CACNA2D4: variants seen among roughly 807,000 people sequenced by gnomAD.
The protein encoded by CACNA2D4 is voltage-dependent calcium channel subunit alpha-2/delta-4.
In CACNA2D4, 157 loss-of-function variants were observed where a neutral mutation model predicts 163.8. The ratio of observed to expected loss-of-function variants is 0.96; its 90% CI spans 0.84 to 1.09. The LOEUF (loss-of-function observed/expected upper bound fraction) is 1.09. Among genes scored for constraint, CACNA2D4 ranks in the 50% least tolerant of loss-of-function variants. CACNA2D4 has a pLI of 0.00. For missense variants in CACNA2D4, 1,410 were observed against 1,479.9 expected (o/e 0.95, Z 0.78); for synonymous variants, 598 against 586.9 (o/e 1.02, Z -0.27).
Position 1,907,589 on chromosome 12 carries a change from A to G in CACNA2D4, c.650-18T>C, listed in dbSNP as rs1226409016. The G allele has an allele frequency of 6.2e-7, 1 of 1,608,394 alleles. No individual in the cohort carries two copies. The highest frequency in any genetic ancestry group is 1.1e-5 in the South Asian group (1 of 90,362). ...ATCTGGGTCTGAAGGGTGAGACTATAGATTATGATCCTGTAGAACTTCTCA... is the reference window on the plus strand; with the variant it reads ...ATCTGGGTCTGAAGGGTGAGACTATGGATTATGATCCTGTAGAACTTCTCA... On this transcript the variant is annotated intron_variant, in intron 5 of 37. Coordinates refer to ENST00000382722, the MANE Select transcript of CACNA2D4 (RefSeq NM_172364.5).
At chr12:1,851,948 T>C (rs1488254119) in intron 23 of CACNA2D4, among the ~76,000 whole-genome samples, 2 of 152,154 alleles carry the variant, frequency 1.3e-5, no homozygotes, top group Non-Finnish European at 2.9e-5. Context: ...TTATAGTTTA[T>C]GTCGTATGTT....
intron 27 of CACNA2D4, among the ~76,000 whole-genome samples, chr12:1,811,078 C>T (rs1863691158): frequency 6.6e-6 from 1 of 152,236 alleles, no homozygotes; most frequent in African/African-American, 2.4e-5. Flanking sequence ...CTCCATCCCT[C>T]TCGATTCACT....
At chr12:1,865,321 C>T (rs1592719795) in intron 18 of CACNA2D4, among the ~76,000 whole-genome samples, 1 of 152,210 alleles carries the variant, frequency 6.6e-6, no homozygotes, top group Admixed American at 6.5e-5. Context: ...TCCTGATTTC[C>T]TTGGAGCTTG....
rs372646353 is a variant in CACNA2D4, at chr12:1,828,773, A to G, written c.2551+11966T>C. ...GGAAGAGACTTTGGGGAGTGGGTCC[A>G]ACCCCTCCTGCATATAGGCAGACTG... On this transcript the variant is annotated intron_variant, in intron 26 of 37. Coordinates refer to ENST00000382722, the MANE Select transcript of CACNA2D4 (RefSeq NM_172364.5). The surrounding 1 kb of genome is among the most constrained non-coding windows in gnomAD (Gnocchi z 4.2). Among the ~76,000 whole-genome samples, 271 of 152,316 alleles carry G rather than the reference A, an allele frequency of 1.8e-3. 1 individual carries two copies. Among genetic ancestry groups the G allele is most frequent in the African/African-American group, 6.3e-3 (262 of 41,572 alleles).
intron 6 of CACNA2D4, among the ~76,000 whole-genome samples, chr12:1,902,978 T>C (rs1011038664): frequency 6.6e-6 from 1 of 151,990 alleles, no homozygotes; most frequent in Non-Finnish European, 1.5e-5. Flanking sequence ...TACAGAGCTA[T>C]AGTAACCAAA....
At position 1,801,045 on chromosome 12, in the gene CACNA2D4, T is replaced by C. The variant is rs1449383136; in HGVS notation, c.2866A>G (p.Ser956Gly). ...GGGAAGGGCTGGGTGACACTCACGC[T>C]GACCAGGGGCTGGGCTGCACTGTGG... ...HHHSAAQPLV[S>G]PISAFLTATR... The change falls in exon 31 of 38, where the codon AGC becomes GGC. Residue 956 changes from serine to glycine, a missense_variant and splice_region_variant. Physicochemically the swap from Ser to Gly is moderately conservative, Grantham distance 56. Coordinates refer to ENST00000382722, the MANE Select transcript of CACNA2D4 (RefSeq NM_172364.5). The C allele has an allele frequency of 6.2e-7, 1 of 1,612,830 alleles. No individual in the cohort carries two copies. Among genetic ancestry groups the C allele is most frequent in the Non-Finnish European group, 8.5e-7 (1 of 1,179,780 alleles).
intron 1 of CACNA2D4, 105 bp downstream of exon 1, chr12:1,918,142 G>A: frequency 1.2e-6 from 1 of 810,058 alleles, no homozygotes; most frequent in Non-Finnish European, 2.0e-6. Flanking sequence ...AAGCCCAGAG[G>A]GAGGGCAGGG....
chr12:1,867,641 G>T (rs1342538543), intron 18 of CACNA2D4, among the ~76,000 whole-genome samples: 1 of 151,998 alleles, frequency 6.6e-6, no homozygotes, highest in African/African-American at 2.4e-5. Flanking sequence ...TGGATTGGGA[G>T]AAAATATTTG....
chr12:1,908,127 A>ATTTTTTCAT, intron 4 of CACNA2D4, 90 bp from the exon 5 acceptor site: 1 of 1,372,662 alleles, frequency 7.3e-7, no homozygotes, highest in Non-Finnish European at 1.0e-6. Context: ...TGAGAGGACG[A>ATTTTTTCAT]GAGGGCCGGG....
rs60739615 is a variant in CACNA2D4, at chr12:1,802,015, CTGTGTGTGTGTGTGTG to C, written c.2722-387_2722-372del. 0.018 allele frequency among the ~76,000 whole-genome samples: 2,552 copies of C among 144,240 alleles called. 105 individuals are homozygous for C. The highest frequency in any genetic ancestry group is 0.1 in the Admixed American group (1,460 of 14,632). 94.6% of individuals were successfully genotyped at this position (144,240 alleles called of 152,430 possible). Reference sequence around the variant, plus strand: ...TATGAAACTGGATTTGTTTTATATGCTGTGTGTGTGTGTGTGTGTGTGTGTGTGTGTGTGTGTGTGT... The same window carrying C: ...TATGAAACTGGATTTGTTTTATATGCTGTGTGTGTGTGTGTGTGTGTGTGT... On this transcript the variant is annotated intron_variant, in intron 29 of 37. Transcript: ENST00000382722. The surrounding 1 kb of genome is among the most constrained non-coding windows in gnomAD (Gnocchi z 4.7).
chr12:1,809,328 T>TGGCTTAGA (rs1351581407), intron 29 of CACNA2D4: 1 of 568,772 alleles, frequency 1.8e-6, no homozygotes, highest in Non-Finnish European at 3.1e-6. Context: ...CAGCTGGGGC[T>TGGCTTAGA]GGCTTAGACA....
intron 26 of CACNA2D4, among the ~76,000 whole-genome samples, chr12:1,830,437 G>C (rs1864570358): frequency 6.6e-6 from 1 of 152,248 alleles, no homozygotes; most frequent in Admixed American, 6.5e-5. Context: ...ACAGAGGGGA[G>C]GGAGCCAGCA....
At chr12:1,900,712 T>C (rs547376737) in intron 6 of CACNA2D4, among the ~76,000 whole-genome samples, 325 of 152,266 alleles carry the variant, frequency 2.1e-3, no homozygotes, top group South Asian at 3.3e-3. Context: ...AAGCTAATAT[T>C]ATTAGAGCTA....
intron 34 of CACNA2D4, 137 bp from the exon 35 acceptor site, chr12:1,797,672 G>C: frequency 1.4e-6 from 1 of 721,528 alleles, no homozygotes; most frequent in Non-Finnish European, 2.4e-6. Context: ...CAGGACACGC[G>C]TGGGAGGAGC....
At chr12:1,890,884 C>G (rs1044970202) in intron 6 of CACNA2D4, among the ~76,000 whole-genome samples, 5 of 152,188 alleles carry the variant, frequency 3.3e-5, no homozygotes, top group Admixed American at 3.3e-4. Flanking sequence ...TTCCTGGTAC[C>G]ACCATAGGTT....
intron 6 of CACNA2D4, among the ~76,000 whole-genome samples, chr12:1,901,101 A>G (rs1055285682): frequency 6.6e-6 from 1 of 152,198 alleles, no homozygotes; most frequent in Non-Finnish European, 1.5e-5. Context: ...TAGAATAATC[A>G]TTTAGTCAAT....
intron 26 of CACNA2D4, among the ~76,000 whole-genome samples, chr12:1,817,618 C>A (rs573040674): frequency 2.5e-4 from 38 of 152,012 alleles, no homozygotes; most frequent in African/African-American, 8.7e-4. Flanking sequence ...CAAGTGCCTG[C>A]GATTGCAGGC....
intron 6 of CACNA2D4, among the ~76,000 whole-genome samples, chr12:1,894,982 A>G (rs1421363203): frequency 6.6e-6 from 1 of 152,240 alleles, no homozygotes; most frequent in African/African-American, 2.4e-5. Flanking sequence ...TTATATCTAG[A>G]AAAACCTAAA....
chr12:1,898,582 CAAAA>C (rs1866460740), intron 6 of CACNA2D4, among the ~76,000 whole-genome samples: 3 of 148,924 alleles, frequency 2.0e-5, no homozygotes, highest in Non-Finnish European at 3.0e-5. Flanking sequence ...AAAAACTAAA[CAAAA>C]AGAAAACTGC....
Sources: gnomAD v4.1 joint callset for allele counts (sites outside exome capture counted in the v4.1 genomes callset) on GRCh38, gnomAD v4.1.1 for gene constraint, Gnocchi (gnomAD v3.1) non-coding constraint, MANE v1.5 for transcripts, NCBI Gene and HGNC (gene_info 2026-07-23, HGNC 2026-07-21) for gene names.